Variants in SPINK5 observed in about 807,000 individuals in gnomAD.
The protein encoded by SPINK5 is serine peptidase inhibitor Kazal type 5.
SPINK5 carries 125 observed loss-of-function variants against 151.8 expected under a neutral mutation model. That is an observed-to-expected ratio of 0.82 (90% confidence interval 0.71 to 0.96). The LOEUF is 0.96. Ranked by LOEUF, SPINK5 falls within the 40% of genes least tolerant of loss-of-function variation. The probability of loss-of-function intolerance (pLI) is 0.00; values close to 1 mark genes in which losing one functional copy is unlikely to be tolerated. For synonymous variants in SPINK5, 374 were observed against 395.3 expected, an observed-to-expected ratio of 0.95 and a Z score of 0.64; for missense variants, 1,194 against 1,291.9, an observed-to-expected ratio of 0.92 and a Z score of 1.16.
At position 148,120,387 on chromosome 5, in the gene SPINK5, AAG is replaced by A. The variant is rs1157686423; in HGVS notation, c.2537_2538del (p.Glu846GlyfsTer5). The A allele has an allele frequency of 6.3e-7, 1 of 1,597,110 alleles. No homozygotes were observed. The highest frequency in any genetic ancestry group is 8.5e-7 in the Non-Finnish European group (1 of 1,170,674). On this transcript the variant is annotated frameshift_variant and splice_region_variant, in exon 26 of 33. Coordinates refer to ENST00000256084, the MANE Select transcript of SPINK5 (RefSeq NM_006846.4). LOFTEE classifies it high-confidence loss of function. ...AATACAGGAGAAAGGAGCAATGACA[AAG>A]AGGTAATAGATGTTAGACACGCTAA...
chr5:148,076,839 G>A (rs983597053), intron 4 of SPINK5, among the ~76,000 whole-genome samples: 2 of 151,576 alleles, frequency 1.3e-5, no homozygotes, highest in Admixed American at 6.6e-5. Context: ...GTTCAGTAGA[G>A]AGGCTCAGAA....
At chr5:148,123,445 C>CTA (rs201986132) in intron 26 of SPINK5, among the ~76,000 whole-genome samples, 19 of 130,350 alleles carry the variant, frequency 1.5e-4, no homozygotes, top group South Asian at 2.4e-4. Context: ...ATCTATCTAT[C>CTA]TATATATATA....
At chr5:148,102,888 G>T (rs1753685401) in intron 15 of SPINK5, among the ~76,000 whole-genome samples, 1 of 152,060 alleles carries the variant, frequency 6.6e-6, no homozygotes, top group African/African-American at 2.4e-5. Context: ...TAGGAGTTGG[G>T]AGCCTATTGA....
intron 16 of SPINK5, among the ~76,000 whole-genome samples, chr5:148,105,979 G>C (rs548034776): frequency 1.3e-5 from 2 of 151,710 alleles, no homozygotes; most frequent in Non-Finnish European, 2.9e-5. Flanking sequence ...TCATTACTTG[G>C]GGAAAAGTTG....
chr5:148,123,517 A>ATT (rs1754342256), intron 26 of SPINK5, among the ~76,000 whole-genome samples: 1 of 17,536 alleles, frequency 5.7e-5, no homozygotes, highest in African/African-American at 1.5e-4. Flanking sequence ...GGTGCAATAT[A>ATT]TGTGTATATA....
intron 29 of SPINK5, 139 bp downstream of exon 29, chr5:148,125,989 AG>A: frequency 7.7e-7 from 1 of 1,291,838 alleles, no homozygotes; most frequent in Non-Finnish European, 1.1e-6. Flanking sequence ...CCTCAAATTG[AG>A]AACACCTGAT....
chr5:148,124,647 G>C (rs918619937), intron 27 of SPINK5, 118 bp from the exon 28 acceptor site: 31 of 657,976 alleles, frequency 4.7e-5, no homozygotes, highest in Non-Finnish European at 7.0e-5. Flanking sequence ...TTTTTTTTAG[G>C]TATAAGAAAA....
chr5:148,102,039 A>G, intron 15 of SPINK5, 131 bp downstream of exon 15: 1 of 1,334,532 alleles, frequency 7.5e-7, no homozygotes, highest in Non-Finnish European at 1.0e-6. Flanking sequence ...TCATATTTAA[A>G]TGGACTAAAA....
chr5:148,102,411 A>G (rs1753671368), intron 15 of SPINK5, among the ~76,000 whole-genome samples: 1 of 152,190 alleles, frequency 6.6e-6, no homozygotes, highest in South Asian at 2.1e-4. Flanking sequence ...AAAAAAGATA[A>G]GTATCATGAG....
chr5:148,089,485 G>C lies in SPINK5; in HGVS notation c.475-9G>C. On this transcript the variant is annotated splice_polypyrimidine_tract_variant and intron_variant, in intron 6 of 32. Coordinates refer to ENST00000256084, the MANE Select transcript of SPINK5 (RefSeq NM_006846.4). ...TGGTAAGTTTCAAGTTCTTTTCCCT[G>C]TTCTTCAGGATGTATGCAGTGCTTT... 1 of 1,611,532 alleles carries C rather than the reference G, an allele frequency of 6.2e-7. No individual in the cohort carries two copies. The highest frequency in any genetic ancestry group is 8.5e-7 in the Non-Finnish European group (1 of 1,178,358).
Position 148,114,215 on chromosome 5 carries a change from T to C in SPINK5, c.1888-147T>C, listed in dbSNP as rs563372281. 1.4e-4 allele frequency: 129 copies of C among 947,272 alleles called. 1 individual carries two copies. The South Asian group carries it at 1.9e-3, about 14-fold the overall frequency. The allele number at this position is 947,272 out of a possible 1,614,324, so 58.7% of individuals were successfully genotyped here. On this transcript the variant is annotated intron_variant, in intron 20 of 32. Coordinates refer to ENST00000256084, the MANE Select transcript of SPINK5 (RefSeq NM_006846.4). Reference sequence around the variant, plus strand: ...ACCTTCTTAAGTCCTTTGTGTTTAATATAAATTGAACACTATAACTGCCAG... The same window carrying C: ...ACCTTCTTAAGTCCTTTGTGTTTAACATAAATTGAACACTATAACTGCCAG...
At chr5:148,121,100 C>A (rs1381700826) in intron 26 of SPINK5, among the ~76,000 whole-genome samples, 1 of 137,166 alleles carries the variant, frequency 7.3e-6, no homozygotes, top group Admixed American at 8.0e-5. Flanking sequence ...GCTGAGATAG[C>A]GCCACTGCAC....
intron 30 of SPINK5, among the ~76,000 whole-genome samples, chr5:148,130,756 T>C (rs1485374931): frequency 6.6e-6 from 1 of 152,158 alleles, no homozygotes; most frequent in Non-Finnish European, 1.5e-5. Context: ...AAGTAAGGAC[T>C]ACTATTATTT....
intron 8 of SPINK5, among the ~76,000 whole-genome samples, chr5:148,091,442 C>T (rs1381199416): frequency 1.3e-5 from 2 of 151,682 alleles, no homozygotes; most frequent in African/African-American, 2.4e-5. Context: ...CCAAAATGTG[C>T]AGTTTCCACC....
chr5:148,079,411 A>T (rs1752963639), intron 4 of SPINK5, among the ~76,000 whole-genome samples: 1 of 151,210 alleles, frequency 6.6e-6, no homozygotes, highest in Non-Finnish European at 1.5e-5. Flanking sequence ...TCATTATATC[A>T]GTCCAGCATT....
intron 16 of SPINK5, 42 bp from the exon 17 acceptor site, chr5:148,106,995 G>T: frequency 6.2e-7 from 1 of 1,604,596 alleles, no homozygotes; most frequent in African/African-American, 1.3e-5. Context: ...ATGCAGGAAG[G>T]ATAGAAAACT....
chr5:148,134,098 AT>A (rs1407237386), intron 32 of SPINK5: 1 of 636,810 alleles, frequency 1.6e-6, no homozygotes, highest in Non-Finnish European at 2.9e-6. Context: ...ATTTTAAAAT[AT>A]TTAATGGGTC....
intron 2 of SPINK5, 72 bp downstream of exon 2, chr5:148,065,444 CT>C: frequency 6.6e-7 from 1 of 1,518,504 alleles, no homozygotes; most frequent in Non-Finnish European, 9.1e-7. Context: ...TGGCCAACAC[CT>C]TCATGTTAAT....
chr5:148,086,984 A>G (rs1041661736), intron 5 of SPINK5, among the ~76,000 whole-genome samples: 1 of 150,868 alleles, frequency 6.6e-6, no homozygotes, highest in African/African-American at 2.4e-5. Flanking sequence ...ACACATACAT[A>G]CATATATACA....
Sources: gnomAD v4.1 joint callset for allele counts (sites outside exome capture counted in the v4.1 genomes callset) on GRCh38, gnomAD v4.1.1 for gene constraint, MANE v1.5 for transcripts, NCBI Gene and HGNC (gene_info 2026-07-23, HGNC 2026-07-21) for gene names.